Variants in PCDHA7 observed in about 807,000 individuals in gnomAD.
PCDHA7 encodes protocadherin alpha 7.
Under a neutral mutation model 57.2 loss-of-function variants are expected in PCDHA7, and 37 were observed. The ratio of observed to expected loss-of-function variants is 0.65; its 90% CI spans 0.50 to 0.85. The LOEUF (loss-of-function observed/expected upper bound fraction) is 0.85, where lower values mean the gene tolerates loss of function less well. Among genes scored for constraint, PCDHA7 ranks in the 40% least tolerant of loss-of-function variants. The pLI is 0.00. For synonymous variants in PCDHA7, 553 were observed against 558.8 expected (o/e 0.99, Z 0.15); for missense variants, 1,188 against 1,241.8 (o/e 0.96, Z 0.65).
chr5:140,884,355 T>C, intron 1 of PCDHA7: 1 of 1,613,922 alleles, frequency 6.2e-7, no homozygotes, highest in Admixed American at 1.7e-5. Context: ...CTGGTGGATG[T>C]CAATGTTTAC....
At chr5:140,871,451 A>T in intron 1 of PCDHA7, 1 of 1,608,630 alleles carries the variant, frequency 6.2e-7, no homozygotes, top group Non-Finnish European at 8.5e-7. Context: ...AATAAAGAGG[A>T]GGAAGGGGAA....
intron 3 of PCDHA7, among the ~76,000 whole-genome samples, chr5:140,995,400 C>T (rs2097681723): frequency 6.6e-6 from 1 of 152,062 alleles, no homozygotes; most frequent in Admixed American, 6.6e-5. Flanking sequence ...CGGGATGGCT[C>T]GAGATTTCAT....
chr5:140,927,086 A>G (rs2083826085), intron 1 of PCDHA7: 5 of 1,612,296 alleles, frequency 3.1e-6, no homozygotes, highest in Non-Finnish European at 3.4e-6. Context: ...CGCGAGCTCT[A>G]CTTCGGGGTG....
At chr5:140,875,931 T>C in intron 1 of PCDHA7, 1 of 1,614,176 alleles carries the variant, frequency 6.2e-7, no homozygotes, top group South Asian at 1.1e-5. Flanking sequence ...CTCATTTTCC[T>C]CTAGAGGGCG....
At chr5:140,892,678 A>G (rs1381127232) in intron 1 of PCDHA7, among the ~76,000 whole-genome samples, 2 of 152,216 alleles carry the variant, frequency 1.3e-5, no homozygotes, top group Middle Eastern at 3.2e-3. Context: ...ACATATATAC[A>G]ATGTATAATA....
intron 1 of PCDHA7, among the ~76,000 whole-genome samples, chr5:140,960,080 A>G: frequency 6.6e-6 from 1 of 152,360 alleles, no homozygotes; most frequent in South Asian, 2.1e-4. Context: ...GAAGTTTCTA[A>G]AAGAGAAAGA....
At chr5:140,962,543 G>A (rs962454688) in intron 1 of PCDHA7, among the ~76,000 whole-genome samples, 1 of 152,176 alleles carries the variant, frequency 6.6e-6, no homozygotes, top group African/African-American at 2.4e-5. Flanking sequence ...AACTAAAAAT[G>A]TAGAGGATCT....
At position 141,010,536 on chromosome 5, in the gene PCDHA7, T is replaced by A; in HGVS notation, c.*599T>A. On this transcript the variant is annotated 3_prime_UTR_variant, in exon 4 of 4. Transcript: ENST00000525929. ...AACTCAAGAGGTGGCAGCCACCCTC[T>A]AGGAGACAAAACTACCCCCACTGAC... 1 of 381,624 alleles carries A rather than the reference T, an allele frequency of 2.6e-6. No homozygotes were observed. The highest frequency in any genetic ancestry group is 4.6e-6 in the Non-Finnish European group (1 of 218,036). 23.6% of individuals were successfully genotyped at this position (381,624 alleles called of 1,614,324 possible).
Position 140,968,052 on chromosome 5 carries a change from G to A in PCDHA7, c.2356-10897G>A, listed in dbSNP as rs990784546. ...CTGGTGGTGAGCGGCCCACTGGACC[G>A]AGAGCGGGTGGCTGTCTACAACATC... On this transcript the variant is annotated intron_variant, in intron 1 of 3. Transcript: ENST00000525929. The A allele has an allele frequency of 5.0e-6, 8 of 1,614,014 alleles. No homozygotes were observed. In the Admixed American group the frequency reaches 5.0e-5, roughly 10 times the overall value.
chr5:140,853,230 G>T, intron 1 of PCDHA7: 1 of 982,608 alleles, frequency 1.0e-6, no homozygotes. Flanking sequence ...TGGTAATTTA[G>T]TCCTTCATAT....
intron 1 of PCDHA7, chr5:140,869,331 G>T: frequency 6.2e-7 from 1 of 1,613,954 alleles, no homozygotes; most frequent in Non-Finnish European, 8.5e-7. Flanking sequence ...ACCTTCTGGA[G>T]GTAAATCTGC....
rs1554262937 is a variant in PCDHA7 at position 141,010,412 on chromosome 5, G to A, written c.*475G>A. 2.5e-6 allele frequency: 3 copies of A among 1,201,296 alleles called. No homozygotes were observed. Among genetic ancestry groups the A allele is most frequent in the Non-Finnish European group, 3.4e-6 (3 of 885,080 alleles). 74.4% of individuals were successfully genotyped at this position (1,201,296 alleles called of 1,614,324 possible). On this transcript the variant is annotated 3_prime_UTR_variant, in exon 4 of 4. Coordinates refer to ENST00000525929, the MANE Select transcript of PCDHA7 (RefSeq NM_018910.3). ...GAGACGAGCCAGCTTAGACTAATTG[G>A]TACAAGGAAGGCAAGAAAACAAAGA...
intron 3 of PCDHA7, among the ~76,000 whole-genome samples, chr5:141,007,567 CA>C (rs1489201842): frequency 6.6e-6 from 1 of 151,954 alleles, no homozygotes; most frequent in Non-Finnish European, 1.5e-5. Flanking sequence ...GGCTCTATCT[CA>C]AATTTAAAAA....
At chr5:140,884,368 G>T (rs2060127258) in intron 1 of PCDHA7, 1 of 1,613,864 alleles carries the variant, frequency 6.2e-7, no homozygotes, top group Non-Finnish European at 8.5e-7. Context: ...ATGTTTACTT[G>T]ATCATTGCCA....
At position 140,842,761 on chromosome 5, in the gene PCDHA7, A is replaced by G. The variant is rs200442158; in HGVS notation, c.2355+6023A>G. ...GCCACATCTTCACGGTGTCTGCGCG[A>G]GACGCGGACGCGCAGGAGAACGCGC... On this transcript the variant is annotated intron_variant, in intron 1 of 3. Coordinates refer to ENST00000525929, the MANE Select transcript of PCDHA7 (RefSeq NM_018910.3). 1.6e-5 allele frequency: 26 copies of G among 1,594,610 alleles called. 2 individuals are homozygous for G. The highest frequency in any genetic ancestry group is 4.5e-5 in the East Asian group (2 of 44,836).
Position 140,841,931 on chromosome 5 carries a change from G to T in PCDHA7, c.2355+5193G>T, listed in dbSNP as rs1554138650. ...ATTAAGAAAATCCTTGGACAGAGAG[G>T]ACGCTCCTGCGCACCACTTATTCCT... On this transcript the variant is annotated intron_variant, in intron 1 of 3. Coordinates refer to ENST00000525929, the MANE Select transcript of PCDHA7 (RefSeq NM_018910.3). The T allele has an allele frequency of 4.3e-6, 7 of 1,613,782 alleles. No homozygotes were observed. In the African/African-American group the frequency reaches 9.4e-5, roughly 22 times the overall value.
chr5:140,963,873 C>A (rs757553114), intron 1 of PCDHA7, among the ~76,000 whole-genome samples: 5 of 152,188 alleles, frequency 3.3e-5, no homozygotes, highest in Non-Finnish European at 5.9e-5. Flanking sequence ...GTTTTGCTTA[C>A]TATTGTTTTC....
chr5:140,927,946 G>A (rs1341193072), intron 1 of PCDHA7: 1 of 1,614,096 alleles, frequency 6.2e-7, no homozygotes, highest in East Asian at 2.2e-5. Context: ...AGTACCTGAG[G>A]ACGCTGCCCC....
At chr5:140,926,618 G>T in intron 1 of PCDHA7, 1 of 382,578 alleles carries the variant, frequency 2.6e-6, no homozygotes, top group Non-Finnish European at 4.6e-6. Flanking sequence ...TGCACCCCTA[G>T]GCGGCGCTGC....
Sources: gnomAD v4.1 joint callset for allele counts (sites outside exome capture counted in the v4.1 genomes callset) on GRCh38, gnomAD v4.1.1 for gene constraint, MANE v1.5 for transcripts, NCBI Gene and HGNC (gene_info 2026-07-23, HGNC 2026-07-21) for gene names.